AFF2: variants seen among roughly 807,000 people sequenced by gnomAD.
AFF2 encodes AF4/FMR2 family member 2.
In AFF2, 14 loss-of-function variants were observed where a neutral mutation model predicts 76.9. That is an observed-to-expected ratio of 0.18 (90% confidence interval 0.12 to 0.28). AFF2 has a LOEUF of 0.28. Among genes scored for constraint, AFF2 ranks in the 10% least tolerant of loss-of-function variants. The pLI is 1.00. For missense variants in AFF2, 868 were observed against 1,001.1 expected, an observed-to-expected ratio of 0.87 and a Z score of 1.79; for synonymous variants, 398 against 366.7, an observed-to-expected ratio of 1.09 and a Z score of -0.98.
chrX:148,581,574 G>GTGTACACACATA (rs2053407230), intron 1 of AFF2, among the ~76,000 whole-genome samples: 1 of 97,458 alleles, frequency 1.0e-5, no homozygotes, highest in African/African-American at 4.2e-5. Context: ...ATACGTATAC[G>GTGTACACACATA]TATACGTGTA....
In AFF2 at chrX:148,990,206, G is replaced by T. The variant is rs2072518858; in HGVS notation, c.3815-1005G>T. Among the ~76,000 whole-genome samples the T allele has an allele frequency of 3.6e-5, 4 of 112,089 alleles. No individual in the cohort carries two copies. In the Admixed American group the frequency reaches 3.8e-4, roughly 11 times the overall value. On this transcript the variant is annotated intron_variant, in intron 20 of 20. Transcript: ENST00000370460. ...GTTATATATAACATGAAGAGTAAAT[G>T]CATTGTTTGATGAAATTCCATCTGC...
intron 3 of AFF2, among the ~76,000 whole-genome samples, chrX:148,756,742 G>T (rs2055564807): frequency 8.9e-6 from 1 of 112,763 alleles, no homozygotes; most frequent in Admixed American, 9.4e-5. Context: ...GATATACATG[G>T]TGCTGACTGA....
intron 8 of AFF2, among the ~76,000 whole-genome samples, chrX:148,887,260 T>G (rs2071170153): frequency 8.9e-6 from 1 of 112,679 alleles, no homozygotes; most frequent in African/African-American, 3.2e-5. Context: ...GCTGTCTCCC[T>G]CCTGCTTGAG....
At chrX:148,773,639 AAAG>A (rs1408399150) in intron 3 of AFF2, among the ~76,000 whole-genome samples, 3 of 102,407 alleles carry the variant, frequency 2.9e-5, no homozygotes, top group African/African-American at 1.1e-4. Flanking sequence ...GGAAGGAAGG[AAAG>A]GAGGGAGGGA....
At chrX:148,990,057 G>A (rs782274089) in intron 20 of AFF2, among the ~76,000 whole-genome samples, 1 of 111,997 alleles carries the variant, frequency 8.9e-6, no homozygotes, top group South Asian at 3.8e-4. Flanking sequence ...TATTACATAG[G>A]AAAATATTTT....
chrX:148,629,008 G>A (rs1175128963), intron 1 of AFF2, among the ~76,000 whole-genome samples: 1 of 111,643 alleles, frequency 9.0e-6, no homozygotes, highest in African/African-American at 3.3e-5. Flanking sequence ...TTCCCAAAGT[G>A]TATCTCATTT....
intron 3 of AFF2, among the ~76,000 whole-genome samples, chrX:148,722,282 C>A (rs1230686646): frequency 9.0e-6 from 1 of 111,409 alleles, no homozygotes; most frequent in African/African-American, 3.3e-5. Context: ...ACTGTGTTGT[C>A]AGAGTATGGA....
chrX:148,566,737 T>C (rs1164012207), intron 1 of AFF2, among the ~76,000 whole-genome samples: 1 of 111,385 alleles, frequency 9.0e-6, no homozygotes, highest in African/African-American at 3.3e-5. Context: ...CCTAGATAGC[T>C]GAACCGTTCA....
chrX:148,912,700 G>A (rs2071484340), intron 9 of AFF2, among the ~76,000 whole-genome samples: 1 of 112,261 alleles, frequency 8.9e-6, no homozygotes, highest in African/African-American at 3.2e-5. Context: ...ATTCTTCTGT[G>A]TGGCTCCTAT....
At chrX:148,893,001 G>C (rs187750351) in intron 8 of AFF2, among the ~76,000 whole-genome samples, 1 of 112,054 alleles carries the variant, frequency 8.9e-6, no homozygotes, top group Non-Finnish European at 1.9e-5. Context: ...AACTTTGATA[G>C]AGTCTTTTAA....
intron 1 of AFF2, among the ~76,000 whole-genome samples, chrX:148,538,420 G>C (rs1216519796): frequency 1.8e-5 from 2 of 111,756 alleles, no homozygotes; most frequent in African/African-American, 6.5e-5. Context: ...GACCGCACTT[G>C]AAGTATGAGG....
intron 3 of AFF2, among the ~76,000 whole-genome samples, chrX:148,702,731 T>G (rs1163046462): frequency 5.3e-5 from 6 of 112,239 alleles, no homozygotes; most frequent in Non-Finnish European, 1.1e-4. Flanking sequence ...ATATGATTAG[T>G]GATGAATCTT....
At chrX:148,886,190 G>A (rs2071158075) in intron 8 of AFF2, among the ~76,000 whole-genome samples, 1 of 111,457 alleles carries the variant, frequency 9.0e-6, no homozygotes, top group Admixed American at 9.5e-5. Flanking sequence ...AGGAGATGCA[G>A]AGCTCTTTAA....
At chrX:148,867,871 C>T (rs1315505802) in intron 7 of AFF2, among the ~76,000 whole-genome samples, 1 of 111,230 alleles carries the variant, frequency 9.0e-6, no homozygotes, top group Admixed American at 9.6e-5. Context: ...CAGGTCCACA[C>T]AATGAAAAAG....
At chrX:148,922,336 T>A (rs2071605353) in intron 9 of AFF2, among the ~76,000 whole-genome samples, 1 of 111,872 alleles carries the variant, frequency 8.9e-6, no homozygotes, top group Admixed American at 9.5e-5. Context: ...TTTAATTTTC[T>A]CAGCTTTAGT....
At chrX:148,687,001 A>C (rs374712015) in intron 3 of AFF2, among the ~76,000 whole-genome samples, 24 of 111,983 alleles carry the variant, frequency 2.1e-4, no homozygotes, top group African/African-American at 7.8e-4. Flanking sequence ...ACCTGTGTCA[A>C]ATGAAAAAAT....
At chrX:148,936,630 C>T (rs1337927685) in intron 9 of AFF2, among the ~76,000 whole-genome samples, 1 of 112,511 alleles carries the variant, frequency 8.9e-6, no homozygotes, top group East Asian at 2.8e-4. Flanking sequence ...CCCTATGCCT[C>T]CAACTATTTT....
At chrX:148,718,291 G>C (rs1183822974) in intron 3 of AFF2, among the ~76,000 whole-genome samples, 1 of 111,430 alleles carries the variant, frequency 9.0e-6, no homozygotes, top group African/African-American at 3.3e-5. Flanking sequence ...ATCCACTGTT[G>C]CATTCTCAGG....
At chrX:148,964,536 ACACC>A in intron 13 of AFF2, among the ~76,000 whole-genome samples, 1 of 112,170 alleles carries the variant, frequency 8.9e-6, no homozygotes, top group East Asian at 2.8e-4. Context: ...AATAAGCCAG[ACACC>A]AAAGGCCAAA....
Sources: gnomAD v4.1 joint callset for allele counts (sites outside exome capture counted in the v4.1 genomes callset) on GRCh38, gnomAD v4.1.1 for gene constraint, MANE v1.5 for transcripts, NCBI Gene and HGNC (gene_info 2026-07-23, HGNC 2026-07-21) for gene names.